The following NMT1 variants were observed in gnomAD, a reference collection of about 807,000 sequenced individuals.
NMT1 encodes N-myristoyltransferase 1.
A neutral mutation model predicts 63.4 loss-of-function variants in NMT1; 12 were observed. The observed-to-expected ratio is 0.19, with a 90% CI of 0.12 to 0.31. NMT1 has a LOEUF of 0.31. Ranked by LOEUF, NMT1 falls within the 10% of genes least tolerant of loss-of-function variation. The pLI, the probability that NMT1 is intolerant of heterozygous loss-of-function variation, is 1.00. For synonymous variants in NMT1, 228 were observed against 234.3 expected (o/e 0.97, Z 0.25); for missense variants, 432 against 634.6 (o/e 0.68, Z 3.43).
intron 2 of NMT1, among the ~76,000 whole-genome samples, chr17:45,083,382 C>T (rs1338869581): frequency 6.6e-6 from 1 of 151,800 alleles, no homozygotes; most frequent in Non-Finnish European, 1.5e-5. Context: ...AGTTTATAAG[C>T]CTCGCAAAAA....
intron 8 of NMT1, 64 bp from the exon 9 acceptor site, chr17:45,102,887 C>T: frequency 6.7e-7 from 1 of 1,484,616 alleles, no homozygotes; most frequent in Non-Finnish European, 9.2e-7. Context: ...CTGATCTGTC[C>T]TTGCCATGGA....
intron 8 of NMT1, 41 bp downstream of exon 8, chr17:45,099,554 GGCAAGGAGA>G: frequency 7.1e-7 from 1 of 1,411,148 alleles, no homozygotes; most frequent in African/African-American, 1.4e-5. Context: ...GCAGAGAGAG[GGCAAGGAGA>G]GCCTGGCTGT....
At chr17:45,101,396 G>C (rs897975003) in intron 8 of NMT1, among the ~76,000 whole-genome samples, 1 of 150,344 alleles carries the variant, frequency 6.7e-6, no homozygotes. Flanking sequence ...AGGACAAGGC[G>C]GGTGGATCAC....
Position 45,103,763 on chromosome 17 carries a change from A to G in NMT1, c.1219A>G (p.Ile407Val), listed in dbSNP as rs770912575. 9 of 1,614,080 alleles carry G rather than the reference A, an allele frequency of 5.6e-6. No homozygotes were observed. The highest frequency in any genetic ancestry group is 1.3e-5 in the African/African-American group (1 of 74,932). ...FLSFYTLPST[I>V]MNHPTHKSLK... ...GAGCTTTTATACGCTGCCCTCCACC[A>G]TCATGAACCATCCAACCCACAAGAG... is the stretch of plus-strand genomic sequence containing the variant. Residue 407 changes from isoleucine to valine, a missense_variant, in exon 10 of 12, where the codon ATC (isoleucine) becomes GTC (valine). Ile to Val is a conservative substitution (Grantham distance 29). Coordinates refer to ENST00000258960, the MANE Select transcript of NMT1 (RefSeq NM_021079.5). The surrounding 1 kb of genome is among the most constrained non-coding windows in gnomAD (Gnocchi z 4.8).
chr17:45,089,054 G>A (rs149045851), intron 3 of NMT1, among the ~76,000 whole-genome samples: 5 of 152,328 alleles, frequency 3.3e-5, no homozygotes, highest in Admixed American at 1.3e-4. Flanking sequence ...TTGAGGTCCA[G>A]GGTCAGTCAA....
chr17:45,105,501 C>A lies in NMT1; in HGVS notation c.1471-118C>A. ...GGGGCCGGCTGGGTGTGAGTCTGCT[C>A]CCACAGCACAGGCGGTGGACCCGGG... On this transcript the variant is annotated intron_variant, in intron 11 of 11. Transcript: ENST00000258960. The surrounding 1 kb of genome is among the most constrained non-coding windows in gnomAD (Gnocchi z 4.2). The A allele has an allele frequency of 9.0e-7, 1 of 1,106,970 alleles. No homozygotes were observed. The highest frequency in any genetic ancestry group is 1.4e-6 in the Non-Finnish European group (1 of 732,104). 68.6% of individuals were successfully genotyped at this position (1,106,970 alleles called of 1,614,324 possible).
chr17:45,097,090 C>T lies in NMT1; in HGVS notation c.597-38C>T, dbSNP rs745690438. The T allele has an allele frequency of 1.8e-5, 29 of 1,571,796 alleles. 1 individual carries two copies. The highest frequency in any genetic ancestry group is 1.7e-4 in the Middle Eastern group (1 of 5,942). ...AGCCCAAGCGGCTTGTCCAGCCTGC[C>T]GGCAAGCAGCACAACCACCCCAGCC... On this transcript the variant is annotated intron_variant, in intron 5 of 11. Coordinates refer to ENST00000258960, the MANE Select transcript of NMT1 (RefSeq NM_021079.5).
At chr17:45,095,749 G>A (rs1031073154) in intron 4 of NMT1, among the ~76,000 whole-genome samples, 1 of 152,142 alleles carries the variant, frequency 6.6e-6, no homozygotes, top group Non-Finnish European at 1.5e-5. Context: ...TCCAGCCTGG[G>A]TAACAGAGTG....
chr17:45,063,204 C>CAAAAAA (rs5820561), intron 1 of NMT1, among the ~76,000 whole-genome samples: 6 of 79,964 alleles, frequency 7.5e-5, no homozygotes, highest in East Asian at 3.6e-4. Context: ...GACTCCGACT[C>CAAAAAA]AAAAAAAAAA....
chr17:45,102,936 C>A lies in NMT1; in HGVS notation c.994-15C>A. ...ATCAGCTCATCTCACTCCATCTCTT[C>A]TGTCTTGCCTCCAGACTCCCAAGAC... On this transcript the variant is annotated splice_polypyrimidine_tract_variant and intron_variant, in intron 8 of 11. Transcript: ENST00000258960. The A allele has an allele frequency of 6.2e-7, 1 of 1,601,770 alleles. No homozygotes were observed. The highest frequency in any genetic ancestry group is 1.1e-5 in the South Asian group (1 of 90,146).
At chr17:45,097,997 C>T (rs2054137426) in intron 6 of NMT1, among the ~76,000 whole-genome samples, 1 of 152,194 alleles carries the variant, frequency 6.6e-6, no homozygotes, top group Admixed American at 6.5e-5. Context: ...TTATTACCAG[C>T]TGTGTTCTTG....
intron 4 of NMT1, 142 bp downstream of exon 4, chr17:45,093,945 T>TGG (rs2143505543): frequency 1.6e-6 from 1 of 639,218 alleles, no homozygotes; most frequent in East Asian, 2.8e-5. Context: ...TGTAACTTCC[T>TGG]GGGGCATGGC....
intron 1 of NMT1, among the ~76,000 whole-genome samples, chr17:45,074,869 G>A (rs563914855): frequency 2.6e-5 from 4 of 152,182 alleles, no homozygotes; most frequent in Admixed American, 6.5e-5. Context: ...GTGCCGAATC[G>A]CAGCATGCCC....
chr17:45,093,890 G>A (rs575609625), intron 4 of NMT1, 87 bp downstream of exon 4: 105 of 1,056,552 alleles, frequency 9.9e-5, no homozygotes, highest in South Asian at 3.5e-4. Flanking sequence ...ACGTTTACTC[G>A]AGCCCTAGAG....
intron 2 of NMT1, among the ~76,000 whole-genome samples, chr17:45,084,913 A>AG (rs2054042432): frequency 6.6e-6 from 1 of 152,126 alleles, no homozygotes; most frequent in Non-Finnish European, 1.5e-5. Flanking sequence ...CTCTTTCTTA[A>AG]CTTCATCCTA....
intron 1 of NMT1, among the ~76,000 whole-genome samples, chr17:45,066,539 A>T (rs536388411): frequency 6.6e-6 from 1 of 151,598 alleles, no homozygotes; most frequent in African/African-American, 2.4e-5. Context: ...AAATCACTTG[A>T]GCTCAGGAGT....
At chr17:45,062,917 T>TA (rs1195118254) in intron 1 of NMT1, among the ~76,000 whole-genome samples, 1 of 152,064 alleles carries the variant, frequency 6.6e-6, no homozygotes, top group Non-Finnish European at 1.5e-5. Flanking sequence ...CAGCCGGCAT[T>TA]AAAAATCACA....
At chr17:45,077,823 A>G (rs2053987469) in intron 1 of NMT1, among the ~76,000 whole-genome samples, 1 of 152,110 alleles carries the variant, frequency 6.6e-6, no homozygotes, top group Non-Finnish European at 1.5e-5. Context: ...TTGAGTTACT[A>G]AGAAGAAGAA....
At chr17:45,102,005 G>A (rs2054169613) in intron 8 of NMT1, among the ~76,000 whole-genome samples, 1 of 152,208 alleles carries the variant, frequency 6.6e-6, no homozygotes, top group South Asian at 2.1e-4. Context: ...ACCCATGTCT[G>A]GGTGGAAACC....
Sources: gnomAD v4.1 joint callset for allele counts (sites outside exome capture counted in the v4.1 genomes callset) on GRCh38, gnomAD v4.1.1 for gene constraint, Gnocchi (gnomAD v3.1) non-coding constraint, MANE v1.5 for transcripts, NCBI Gene and HGNC (gene_info 2026-07-23, HGNC 2026-07-21) for gene names.